CSMD2: variants seen among roughly 807,000 people sequenced by gnomAD.
The protein encoded by CSMD2 is CUB and sushi domain-containing protein 2.
CSMD2 carries 130 observed loss-of-function variants against 398.5 expected under a neutral mutation model. That is an observed-to-expected ratio of 0.33 (90% CI 0.28 to 0.38). The LOEUF is 0.38. CSMD2 is among the 10% of genes least tolerant of loss of function. CSMD2 has a pLI of 1.00. For synonymous variants in CSMD2, 1,828 were observed against 1,908.5 expected, an observed-to-expected ratio of 0.96 and a Z score of 1.10; for missense variants, 3,829 against 4,764.9, an observed-to-expected ratio of 0.80 and a Z score of 5.78.
At chr1:33,991,539 T>C (rs1308174791) in intron 3 of CSMD2, among the ~76,000 whole-genome samples, 3 of 152,124 alleles carry the variant, frequency 2.0e-5, no homozygotes, top group Non-Finnish European at 2.9e-5. Context: ...AGTCATAGGT[T>C]TCCCTGCCTC....
chr1:34,113,653 C>T (rs554475083), intron 1 of CSMD2, among the ~76,000 whole-genome samples: 2 of 152,202 alleles, frequency 1.3e-5, no homozygotes, highest in Admixed American at 6.5e-5. Flanking sequence ...AGCTAGATGG[C>T]AGAATAGGAA....
intron 13 of CSMD2, 55 bp from the exon 14 acceptor site, chr1:33,743,661 C>T: frequency 8.0e-7 from 1 of 1,251,958 alleles, no homozygotes; most frequent in Non-Finnish European, 1.1e-6. Context: ...CTGCCTGCAC[C>T]ACTGAGGGCT....
chr1:33,960,602 G>C (rs902545454), intron 3 of CSMD2, among the ~76,000 whole-genome samples: 1 of 152,176 alleles, frequency 6.6e-6, no homozygotes, highest in Non-Finnish European at 1.5e-5. Flanking sequence ...AGAGATAAGG[G>C]GGTGCTGCAG....
intron 3 of CSMD2, among the ~76,000 whole-genome samples, chr1:34,005,677 T>C (rs1024643883): frequency 4.6e-5 from 7 of 152,234 alleles, no homozygotes; most frequent in Non-Finnish European, 1.0e-4. Flanking sequence ...CCTTGACTCA[T>C]GCTATAGGTC....
At chr1:33,950,849 A>G (rs1297805036) in intron 3 of CSMD2, among the ~76,000 whole-genome samples, 1 of 152,124 alleles carries the variant, frequency 6.6e-6, no homozygotes, top group Non-Finnish European at 1.5e-5. Flanking sequence ...CCTCCTTCCT[A>G]TTCAGCCAAG....
At chr1:34,096,993 A>G (rs1659389776) in intron 1 of CSMD2, among the ~76,000 whole-genome samples, 3 of 149,582 alleles carry the variant, frequency 2.0e-5, no homozygotes, top group African/African-American at 5.0e-5. Flanking sequence ...GAGGCATCAC[A>G]CTACCTGACT....
intron 13 of CSMD2, among the ~76,000 whole-genome samples, chr1:33,765,947 C>T (rs1395411394): frequency 6.6e-6 from 1 of 152,194 alleles, no homozygotes; most frequent in East Asian, 1.9e-4. Context: ...GAAGAAAGGC[C>T]AAGACTGAAG....
intron 1 of CSMD2, among the ~76,000 whole-genome samples, chr1:34,137,294 G>GAAA (rs35252798): frequency 1.1e-4 from 17 of 150,930 alleles, no homozygotes; most frequent in Middle Eastern, 3.4e-3. Flanking sequence ...GTGAGTATAA[G>GAAA]AAAAAAAAAG....
chr1:33,996,297 G>A (rs1646724847), intron 3 of CSMD2, among the ~76,000 whole-genome samples: 2 of 152,150 alleles, frequency 1.3e-5, no homozygotes, highest in South Asian at 4.1e-4. Context: ...ACTCGGAGAG[G>A]GATGAAAAAG....
chr1:33,800,635 G>A (rs569288364), intron 10 of CSMD2, among the ~76,000 whole-genome samples: 2 of 152,248 alleles, frequency 1.3e-5, no homozygotes, highest in East Asian at 3.9e-4. Context: ...ACAATACAGT[G>A]GGATGAGGGC....
intron 29 of CSMD2, among the ~76,000 whole-genome samples, chr1:33,642,095 A>G (rs1342841282): frequency 1.3e-5 from 2 of 152,070 alleles, no homozygotes; most frequent in South Asian, 2.1e-4. Flanking sequence ...CACACCCTGT[A>G]TCACACTTTG....
intron 1 of CSMD2, among the ~76,000 whole-genome samples, chr1:34,161,828 G>A (rs766666667): frequency 3.3e-5 from 5 of 152,026 alleles, no homozygotes; most frequent in Non-Finnish European, 5.9e-5. Flanking sequence ...TTCTTGGCTT[G>A]TTTTGTGGTA....
chr1:33,517,443 C>T (rs2794599), intron 70 of CSMD2, among the ~76,000 whole-genome samples: 53,630 of 152,108 alleles, frequency 0.35, 9,554 homozygotes, highest in Middle Eastern at 0.44. Flanking sequence ...TGGAGGTCAG[C>T]GGCATTCTTG....
In CSMD2 at chr1:33,569,442, A is replaced by G. The variant is rs147330232; in HGVS notation, c.8063T>C (p.Leu2688Pro). Reference sequence around the variant, plus strand: ...GCACTCACGCACCCTGGAGCCCACCAGTGTGTATCCGGAATTGCAGGAGAA... The same window carrying G: ...GCACTCACGCACCCTGGAGCCCACCGGTGTGTATCCGGAATTGCAGGAGAA... ...AIFSCNSGYT[L>P]VGSRVRECMA... The change falls in exon 52 of 71, where the codon CTG (leucine) becomes CCG (proline). Residue 2688 changes from leucine to proline, a missense_variant. Coordinates refer to ENST00000373381, the MANE Select transcript of CSMD2 (RefSeq NM_001281956.2). The G allele has an allele frequency of 7.4e-6, 12 of 1,614,024 alleles. No individual in the cohort carries two copies. In the African/African-American group the frequency reaches 1.5e-4, roughly 20 times the overall value.
chr1:33,987,009 T>C (rs1223157376), intron 3 of CSMD2, among the ~76,000 whole-genome samples: 3 of 152,070 alleles, frequency 2.0e-5, no homozygotes, highest in African/African-American at 7.2e-5. Context: ...ATACTAGCCA[T>C]GGCCGATGGC....
chr1:33,984,412 C>T (rs1646277691), intron 3 of CSMD2, among the ~76,000 whole-genome samples: 1 of 152,184 alleles, frequency 6.6e-6, no homozygotes, highest in African/African-American at 2.4e-5. Context: ...GGTGCCCATG[C>T]AGCTGCTTCT....
intron 15 of CSMD2, among the ~76,000 whole-genome samples, chr1:33,727,065 C>T (rs1164255886): frequency 6.6e-6 from 1 of 151,984 alleles, no homozygotes; most frequent in East Asian, 1.9e-4. Context: ...TGGAGAAGGT[C>T]AGAACCCCAG....
intron 5 of CSMD2, among the ~76,000 whole-genome samples, chr1:33,862,682 C>A (rs1639630482): frequency 6.6e-6 from 1 of 152,116 alleles, no homozygotes; most frequent in Non-Finnish European, 1.5e-5. Context: ...CCAAATCCTG[C>A]CACACAACTA....
chr1:33,829,451 T>A (rs757488173), intron 6 of CSMD2, among the ~76,000 whole-genome samples: 18 of 152,264 alleles, frequency 1.2e-4, no homozygotes, highest in African/African-American at 4.3e-4. Context: ...GCAGTTTTGT[T>A]ACATATATAT....
Sources: allele counts gnomAD v4.1 joint callset (sites outside exome capture counted in the v4.1 genomes callset), GRCh38; gene constraint gnomAD v4.1.1; transcripts MANE v1.5; gene names NCBI Gene and HGNC (gene_info 2026-07-23, HGNC 2026-07-21).